Variants in PRMT8 observed in about 807,000 individuals in gnomAD.
PRMT8 encodes protein arginine N-methyltransferase 8.
Under a neutral mutation model 47.1 loss-of-function variants are expected in PRMT8, and 7 were observed. That is an observed-to-expected ratio of 0.15 (90% CI 0.08 to 0.28). The LOEUF is 0.28. PRMT8 is among the 10% of genes least tolerant of loss of function. The probability of loss-of-function intolerance (pLI) is 1.00; values close to 1 mark genes in which losing one functional copy is unlikely to be tolerated. For synonymous variants in PRMT8, 188 were observed against 186.5 expected (o/e 1.01, Z -0.07); for missense variants, 237 against 505.4 (o/e 0.47, Z 5.09).
At chr12:3,521,670 A>G (rs1479457953) in intron 1 of PRMT8, among the ~76,000 whole-genome samples, 2 of 152,248 alleles carry the variant, frequency 1.3e-5, no homozygotes, top group Non-Finnish European at 2.9e-5. Flanking sequence ...AAGTAAACGA[A>G]AAAATGGTCA....
chr12:3,427,661 G>A (rs1555078670), intron 1 of PRMT8, among the ~76,000 whole-genome samples: 1 of 150,260 alleles, frequency 6.7e-6, no homozygotes, highest in Non-Finnish European at 1.5e-5. Flanking sequence ...AACATTTCTT[G>A]CATAAATTCT....
intron 1 of PRMT8, among the ~76,000 whole-genome samples, chr12:3,452,299 C>A (rs1180722986): frequency 1.4e-5 from 2 of 144,214 alleles, no homozygotes; most frequent in Non-Finnish European, 3.0e-5. Flanking sequence ...TGCACATGTG[C>A]CCCTGAACCT....
Position 3,492,196 on chromosome 12 carries a change from T to C in PRMT8, c.75+496T>C, listed in dbSNP as rs1260176299. On this transcript the variant is annotated intron_variant, in intron 1 of 9. Coordinates refer to ENST00000382622, the MANE Select transcript of PRMT8 (RefSeq NM_019854.5). The surrounding 1 kb of genome is among the most constrained non-coding windows in gnomAD (Gnocchi z 7.5). ...CAAGCTCGAGTCGGTTCCCGAGCTC[T>C]CCGTCCCCGCAGCCGCGCGGAGAGC... Among the ~76,000 whole-genome samples the C allele has an allele frequency of 6.6e-6, 1 of 151,852 alleles. No homozygotes were observed. The highest frequency in any genetic ancestry group is 1.5e-5 in the Non-Finnish European group (1 of 67,956).
At chr12:3,546,866 G>A (rs1866335580) in intron 2 of PRMT8, among the ~76,000 whole-genome samples, 1 of 152,162 alleles carries the variant, frequency 6.6e-6, no homozygotes, top group South Asian at 2.1e-4. Context: ...CAAAGTTACA[G>A]ATCAATGTTT....
chr12:3,537,176 AG>A (rs1298972772), intron 1 of PRMT8, among the ~76,000 whole-genome samples: 2 of 152,202 alleles, frequency 1.3e-5, no homozygotes, highest in African/African-American at 2.4e-5. Context: ...ACATATGCAG[AG>A]CTGTGGTTGT....
At chr12:3,479,624 G>A (rs1591562858) in intron 1 of PRMT8, among the ~76,000 whole-genome samples, 1 of 152,274 alleles carries the variant, frequency 6.6e-6, no homozygotes, top group Non-Finnish European at 1.5e-5. Flanking sequence ...TCTTGGGAAG[G>A]CTTTCCTGCA....
chr12:3,489,285 C>T (rs1256561746), upstream of PRMT8, among the ~76,000 whole-genome samples: 3 of 152,106 alleles, frequency 2.0e-5, no homozygotes, highest in South Asian at 2.1e-4. Context: ...CAGCCTATTT[C>T]GGTGGGAGCT....
chr12:3,426,119 G>T (rs1318065047), intron 1 of PRMT8, among the ~76,000 whole-genome samples: 1 of 152,198 alleles, frequency 6.6e-6, no homozygotes, highest in African/African-American at 2.4e-5. Context: ...TTGGAAAAGA[G>T]CTACCATGCA....
chr12:3,561,294 G>A (rs950016630), intron 4 of PRMT8, among the ~76,000 whole-genome samples: 5 of 152,064 alleles, frequency 3.3e-5, no homozygotes, highest in East Asian at 1.9e-4. Context: ...GCCTGCCAGC[G>A]GTTGTGGAAA....
chr12:3,427,581 C>T (rs1864618723), intron 1 of PRMT8, among the ~76,000 whole-genome samples: 1 of 151,846 alleles, frequency 6.6e-6, no homozygotes, highest in Admixed American at 6.6e-5. Context: ...TCCTTACACA[C>T]CTTGCACATA....
At position 3,558,244 on chromosome 12, in the gene PRMT8, C is replaced by T. The variant is rs151184005; in HGVS notation, c.481+4530C>T. Among the ~76,000 whole-genome samples the T allele has an allele frequency of 2.6e-5, 4 of 152,204 alleles. No individual in the cohort carries two copies. In the East Asian group the frequency reaches 7.8e-4, roughly 30 times the overall value. ...TAGGGCTCTCCCCTTCCTCCCCTTC[C>T]TCCCCTTCCTTCTCCTCCCCTTTCC... is the stretch of plus-strand genomic sequence containing the variant. On this transcript the variant is annotated intron_variant, in intron 4 of 9. Transcript: ENST00000382622.
chr12:3,497,889 G>T (rs1865533264), intron 1 of PRMT8, among the ~76,000 whole-genome samples: 1 of 152,204 alleles, frequency 6.6e-6, no homozygotes, highest in African/African-American at 2.4e-5. Flanking sequence ...TCAGGAGATA[G>T]GAACTACTTG....
At chr12:3,475,664 A>T (rs1865205033) in intron 1 of PRMT8, among the ~76,000 whole-genome samples, 1 of 146,842 alleles carries the variant, frequency 6.8e-6, no homozygotes, top group African/African-American at 2.5e-5. Flanking sequence ...GTGGAGGCAG[A>T]TTGCAAGGCC....
At position 3,563,941 on chromosome 12, in the gene PRMT8, T is replaced by C. The variant is rs568207014; in HGVS notation, c.482-4765T>C. ...TCTTAACCCAATGCCCCCCACCTTT[T>C]TTCCTTCAACATTGCTCATTCATCC... is the stretch of plus-strand genomic sequence containing the variant. On this transcript the variant is annotated intron_variant, in intron 4 of 9. Transcript: ENST00000382622. 5.3e-5 allele frequency among the ~76,000 whole-genome samples: 8 copies of C among 151,512 alleles called. No individual in the cohort carries two copies. In the South Asian group the frequency reaches 1.7e-3, roughly 32 times the overall value.
At chr12:3,592,182 T>C (rs753154612) in intron 8 of PRMT8, 49 bp from the exon 9 acceptor site, 16 of 1,526,468 alleles carry the variant, frequency 1.0e-5, no homozygotes, top group Non-Finnish European at 1.4e-5. Context: ...CTTTGGAGAC[T>C]TCGTCTCTGA....
At chr12:3,592,999 C>T (rs1867343817) in intron 9 of PRMT8, 100 bp from the exon 10 acceptor site, 1 of 893,488 alleles carries the variant, frequency 1.1e-6, no homozygotes, top group Non-Finnish European at 1.8e-6. Flanking sequence ...GCTGGTGCTA[C>T]CCATCCCTGT....
chr12:3,477,810 T>G (rs1865229968), intron 1 of PRMT8, among the ~76,000 whole-genome samples: 1 of 152,180 alleles, frequency 6.6e-6, no homozygotes. Context: ...AGAGAACTAT[T>G]TTATGAGCAA....
intron 1 of PRMT8, among the ~76,000 whole-genome samples, chr12:3,448,833 C>T (rs1312281866): frequency 2.0e-5 from 3 of 152,076 alleles, no homozygotes; most frequent in Non-Finnish European, 4.4e-5. Flanking sequence ...TCTATCAACC[C>T]ATCACCTAGG....
intron 1 of PRMT8, among the ~76,000 whole-genome samples, chr12:3,429,107 C>A (rs943162742): frequency 1.3e-5 from 2 of 152,110 alleles, no homozygotes; most frequent in Admixed American, 1.3e-4. Flanking sequence ...CCTCTGTCAG[C>A]TGCTTATGCT....
Sources: allele counts gnomAD v4.1 joint callset (sites outside exome capture counted in the v4.1 genomes callset), GRCh38; gene constraint gnomAD v4.1.1; non-coding constraint Gnocchi (gnomAD v3.1); transcripts MANE v1.5; gene names NCBI Gene and HGNC (gene_info 2026-07-23, HGNC 2026-07-21).